The following PLEKHA5 variants were observed in gnomAD, a reference collection of about 807,000 sequenced individuals.
The protein encoded by PLEKHA5 is pleckstrin homology domain-containing family A member 5.
A neutral mutation model predicts 181.9 loss-of-function variants in PLEKHA5; 55 were observed. That is an observed-to-expected ratio of 0.30 (90% CI 0.24 to 0.38). The LOEUF (loss-of-function observed/expected upper bound fraction) is 0.38. Ranked by LOEUF, PLEKHA5 falls within the 10% of genes least tolerant of loss-of-function variation. PLEKHA5 has a pLI of 1.00. For synonymous variants in PLEKHA5, 535 were observed against 529.4 expected (o/e 1.01, Z -0.15); for missense variants, 1,432 against 1,549.5 (o/e 0.92, Z 1.27).
intron 21 of PLEKHA5, among the ~76,000 whole-genome samples, chr12:19,339,451 TTA>T (rs1414263640): frequency 6.6e-6 from 1 of 152,188 alleles, no homozygotes; most frequent in African/African-American, 2.4e-5. Flanking sequence ...AAAAATATAT[TTA>T]TTATGAAAAT....
intron 3 of PLEKHA5, chr12:19,202,117 A>T (rs1163229040): frequency 2.1e-6 from 1 of 471,284 alleles, no homozygotes; most frequent in Non-Finnish European, 2.8e-6. Flanking sequence ...TATTTTCAGT[A>T]GTTTTGCCTG....
At chr12:19,228,161 G>A (rs1175321843) in intron 3 of PLEKHA5, among the ~76,000 whole-genome samples, 1 of 152,106 alleles carries the variant, frequency 6.6e-6, no homozygotes, top group Non-Finnish European at 1.5e-5. Flanking sequence ...GTGACTTATG[G>A]TCCTCTGCTG....
At chr12:19,214,402 G>C (rs1021523831) in intron 3 of PLEKHA5, among the ~76,000 whole-genome samples, 1 of 152,042 alleles carries the variant, frequency 6.6e-6, no homozygotes, top group Non-Finnish European at 1.5e-5. Flanking sequence ...AAAGAGGTGG[G>C]AGGGAGGAAG....
At chr12:19,284,231 G>T (rs1365571100) in intron 12 of PLEKHA5, among the ~76,000 whole-genome samples, 2 of 152,040 alleles carry the variant, frequency 1.3e-5, no homozygotes, top group Non-Finnish European at 2.9e-5. Context: ...ACCACACCTG[G>T]CTAATTTTTG....
At chr12:19,286,724 G>A (rs2077282565) in intron 12 of PLEKHA5, among the ~76,000 whole-genome samples, 1 of 152,090 alleles carries the variant, frequency 6.6e-6, no homozygotes, top group African/African-American at 2.4e-5. Context: ...CTAGCACTTT[G>A]GGAGGCCGAG....
At chr12:19,312,791 A>G (rs915408947) in intron 15 of PLEKHA5, among the ~76,000 whole-genome samples, 1 of 152,190 alleles carries the variant, frequency 6.6e-6, no homozygotes, top group Non-Finnish European at 1.5e-5. Flanking sequence ...TCTTTCAACA[A>G]CTTGTTTCTT....
intron 16 of PLEKHA5, chr12:19,319,813 G>A (rs3762104): frequency 0.82 from 310,608 of 378,382 alleles, 132,634 homozygotes; most frequent in Non-Finnish European, 0.92. Context: ...TAACCAAAAT[G>A]TACTGGGCAG....
At chr12:19,283,997 C>T (rs1291251919) in intron 12 of PLEKHA5, among the ~76,000 whole-genome samples, 1 of 152,170 alleles carries the variant, frequency 6.6e-6, no homozygotes, top group African/African-American at 2.4e-5. Context: ...TCTGTTTTCT[C>T]TGCTTGATAC....
chr12:19,146,252 ATCT>A (rs1258286259), intron 3 of PLEKHA5, among the ~76,000 whole-genome samples: 4 of 152,208 alleles, frequency 2.6e-5, no homozygotes, highest in Non-Finnish European at 4.4e-5. Flanking sequence ...CAAAAATGGT[ATCT>A]TCTTGTTTGA....
intron 25 of PLEKHA5, among the ~76,000 whole-genome samples, chr12:19,351,255 G>T (rs1482292512): frequency 1.3e-5 from 2 of 152,118 alleles, no homozygotes; most frequent in Admixed American, 1.3e-4. Flanking sequence ...ACTTTAAATG[G>T]GCTGGGAATG....
chr12:19,206,944 A>G (rs2055683368), intron 3 of PLEKHA5, among the ~76,000 whole-genome samples: 1 of 152,162 alleles, frequency 6.6e-6, no homozygotes. Context: ...CAATAAAATT[A>G]TTTCACAGAC....
chr12:19,324,971 G>T (rs752667386), intron 20 of PLEKHA5, among the ~76,000 whole-genome samples: 1 of 152,182 alleles, frequency 6.6e-6, no homozygotes, highest in Non-Finnish European at 1.5e-5. Flanking sequence ...TTGAAATTCC[G>T]ATTTTAGGGA....
intron 3 of PLEKHA5, among the ~76,000 whole-genome samples, chr12:19,235,850 A>G (rs544932374): frequency 6.6e-6 from 1 of 152,358 alleles, no homozygotes; most frequent in South Asian, 2.1e-4. Flanking sequence ...TCAGTATTCA[A>G]TATGAGCTGA....
At chr12:19,168,685 A>G (rs985794228) in intron 3 of PLEKHA5, among the ~76,000 whole-genome samples, 20 of 152,202 alleles carry the variant, frequency 1.3e-4, no homozygotes, top group African/African-American at 4.8e-4. Context: ...CTTTACTACA[A>G]ATAATAACAG....
At chr12:19,304,049 T>G (rs974059106) in intron 15 of PLEKHA5, among the ~76,000 whole-genome samples, 5 of 150,902 alleles carry the variant, frequency 3.3e-5, no homozygotes, top group Non-Finnish European at 5.9e-5. Context: ...CCTCAAGTGA[T>G]CCACCTGCCT....
intron 3 of PLEKHA5, among the ~76,000 whole-genome samples, chr12:19,247,934 AAAG>A (rs938375140): frequency 4.0e-5 from 6 of 148,444 alleles, no homozygotes; most frequent in African/African-American, 1.5e-4. Context: ...ATTAAAAAAA[AAAG>A]AGAGAGAGAG....
intron 10 of PLEKHA5, among the ~76,000 whole-genome samples, chr12:19,273,449 C>G (rs771053988): frequency 1.6e-4 from 24 of 151,466 alleles, no homozygotes; most frequent in Admixed American, 4.0e-4. Context: ...GTATATAGAT[C>G]TACATCCTTT....
At chr12:19,342,201 A>T (rs1277950960) in intron 21 of PLEKHA5, among the ~76,000 whole-genome samples, 1 of 152,202 alleles carries the variant, frequency 6.6e-6, no homozygotes, top group East Asian at 1.9e-4. Context: ...ATAAAGTTAC[A>T]TTCCTAGAAT....
chr12:19,202,589 A>G (rs1026261067), intron 3 of PLEKHA5, among the ~76,000 whole-genome samples: 3 of 81,086 alleles, frequency 3.7e-5, no homozygotes, highest in Non-Finnish European at 9.4e-5. Flanking sequence ...AAACAAAACA[A>G]CAACAGATTG....
Sources: allele counts gnomAD v4.1 joint callset (sites outside exome capture counted in the v4.1 genomes callset), GRCh38; gene constraint gnomAD v4.1.1; transcripts MANE v1.5; gene names NCBI Gene and HGNC (gene_info 2026-07-23, HGNC 2026-07-21).